Variants in KCNMB1 observed in about 807,000 individuals in gnomAD.
The protein encoded by KCNMB1 is calcium-activated potassium channel subunit beta-1.
Under a neutral mutation model 21.7 loss-of-function variants are expected in KCNMB1, and 22 were observed. The observed-to-expected ratio is 1.01, with a 90% CI of 0.72 to 1.45. KCNMB1 has a LOEUF of 1.45. KCNMB1 is among the 40% of genes most tolerant of loss of function. The pLI is 0.00. For synonymous variants in KCNMB1, 114 were observed against 107.6 expected (o/e 1.06, Z -0.37); for missense variants, 243 against 243.4 (o/e 1.00, Z 0.01).
At chr5:170,383,949 A>T in intron 2 of KCNMB1, 99 bp from the exon 3 acceptor site, 4 of 1,272,492 alleles carry the variant, frequency 3.1e-6, no homozygotes, top group Non-Finnish European at 4.4e-6. Context: ...CTCTAGAGGG[A>T]TCCAGGACTG....
Position 170,378,649 on chromosome 5 carries a change from G to C in KCNMB1, c.*55C>G, listed in dbSNP as rs1205286076. 3.9e-6 allele frequency: 6 copies of C among 1,532,352 alleles called. No individual in the cohort carries two copies. The highest frequency in any genetic ancestry group is 5.3e-6 in the Non-Finnish European group (6 of 1,141,254). The allele number at this position is 1,532,352 out of a possible 1,614,324, so 94.9% of individuals were successfully genotyped here. A position where few individuals can be genotyped will look rare whatever the true frequency, so the allele number is the denominator to read the frequency against. On this transcript the variant is annotated 3_prime_UTR_variant, in exon 4 of 4. Transcript: ENST00000274629. ...GTGCTGCAAGTGGGGAGCAGCCCTG[G>C]GGGCCCAGCCAGTCCCCTGTGCCCT...
intron 3 of KCNMB1, among the ~76,000 whole-genome samples, chr5:170,379,666 A>G (rs1233172945): frequency 6.6e-6 from 1 of 152,188 alleles, no homozygotes; most frequent in Non-Finnish European, 1.5e-5. Flanking sequence ...ACACTTTAAG[A>G]GAAGTTAGAA....
At position 170,378,868 on chromosome 5, in the gene KCNMB1, C is replaced by T. The variant is rs890908934; in HGVS notation, c.412G>A (p.Ala138Thr). 20 of 1,614,118 alleles carry T rather than the reference C, an allele frequency of 1.2e-5. No homozygotes were observed. The highest frequency in any genetic ancestry group is 1.5e-5 in the Non-Finnish European group (18 of 1,180,042). Reference sequence around the variant, plus strand: ...ACGCTGGTTTCGTTCCCCCGAGGTGCGGAGAAGCAGTAGAAGACCTGCTGC... The same window carrying T: ...ACGCTGGTTTCGTTCCCCCGAGGTGTGGAGAAGCAGTAGAAGACCTGCTGC... ...QEQQVFYCFS[A>T]PRGNETSVLF... is the part of the protein sequence containing the mutation. The change falls in exon 4 of 4, where the codon GCA (alanine) becomes ACA (threonine). Residue 138 changes from alanine (A) to threonine (T), a missense_variant. Ala to Thr is a moderately conservative substitution (Grantham distance 58, BLOSUM62 0). Coordinates refer to ENST00000274629, the MANE Select transcript of KCNMB1 (RefSeq NM_004137.4).
intron 2 of KCNMB1, 53 bp downstream of exon 2, chr5:170,385,261 G>A: frequency 6.3e-7 from 1 of 1,599,826 alleles, no homozygotes; most frequent in South Asian, 1.1e-5. Context: ...CCTTACAGAT[G>A]CCAGACCCTT....
intron 3 of KCNMB1, 101 bp downstream of exon 3, chr5:170,383,578 T>A: frequency 7.6e-7 from 1 of 1,307,722 alleles, no homozygotes; most frequent in East Asian, 2.4e-5. Flanking sequence ...CCTGGTCAAG[T>A]GGGTTGATCT....
chr5:170,385,191 G>T, intron 2 of KCNMB1, 123 bp downstream of exon 2: 2 of 1,074,474 alleles, frequency 1.9e-6, no homozygotes, highest in Non-Finnish European at 2.8e-6. Flanking sequence ...AATGAGCATC[G>T]TCTTGACCCT....
chr5:170,381,299 T>C (rs1482832070), intron 3 of KCNMB1, among the ~76,000 whole-genome samples: 4 of 152,214 alleles, frequency 2.6e-5, no homozygotes, highest in African/African-American at 9.7e-5. Context: ...ACCAGCTTTT[T>C]CCCAAGCCCT....
chr5:170,378,605 G>T lies in KCNMB1; in HGVS notation c.*99C>A. The T allele has an allele frequency of 8.1e-7, 1 of 1,235,070 alleles. No individual in the cohort carries two copies. The highest frequency in any genetic ancestry group is 1.1e-6 in the Non-Finnish European group (1 of 882,940). The allele number at this position is 1,235,070 out of a possible 1,614,324, so 76.5% of individuals were successfully genotyped here. ...GTGGATTGGACTGGAAGAGTGGGAG[G>T]GCAGGTGGAGAAGGCATTGTGCTGC... On this transcript the variant is annotated 3_prime_UTR_variant, in exon 4 of 4. Transcript: ENST00000274629.
chr5:170,379,323 G>C (rs2301146), intron 3 of KCNMB1, among the ~76,000 whole-genome samples: 2 of 151,946 alleles, frequency 1.3e-5, no homozygotes, highest in Admixed American at 1.3e-4. Context: ...GGTGAATATC[G>C]GTTTCAAAGG....
chr5:170,385,467 C>T lies in KCNMB1; in HGVS notation c.-20G>A. 5 of 1,613,984 alleles carry T rather than the reference C, an allele frequency of 3.1e-6. No individual in the cohort carries two copies. The highest frequency in any genetic ancestry group is 4.2e-6 in the Non-Finnish European group (5 of 1,179,932). ...CACCATATTCACTGGGGGCAGTGAT[C>T]ATTTCTAGGTCCACAGAAGCAAACA... On this transcript the variant is annotated 5_prime_UTR_variant, in exon 2 of 4. The change abolishes an upstream ATG in the 5' untranslated region. Transcript: ENST00000274629.
chr5:170,376,148 T>TC lies in KCNMB1; in HGVS notation c.*2555_*2556insG. ...GAAGTTTCTGAGTATTCATGACTTATTCTTTTTTTTTTTTTTTTTTTTTTT... is the reference window on the plus strand; with the variant it reads ...GAAGTTTCTGAGTATTCATGACTTATCTCTTTTTTTTTTTTTTTTTTTTTTT... On this transcript the variant is annotated 3_prime_UTR_variant, in exon 4 of 4. Transcript: ENST00000274629. 1 of 144,642 alleles carries TC rather than the reference T, an allele frequency of 6.9e-6. No homozygotes were observed. The highest frequency in any genetic ancestry group is 1.5e-5 in the Non-Finnish European group (1 of 67,200). 9.0% of individuals were successfully genotyped at this position (144,642 alleles called of 1,614,324 possible). A position where few individuals can be genotyped will look rare whatever the true frequency, so the allele number is the denominator to read the frequency against.
intron 1 of KCNMB1, among the ~76,000 whole-genome samples, chr5:170,386,743 G>C (rs541677976): frequency 6.6e-6 from 1 of 151,954 alleles, no homozygotes; most frequent in Non-Finnish European, 1.5e-5. Context: ...AAGAAAGAAG[G>C]CATCATGGTG....
rs202241516 is a variant in KCNMB1 at position 170,374,837 on chromosome 5, C to A, written c.*3867G>T. The A allele has an allele frequency of 1.3e-5, 2 of 152,338 alleles. No individual in the cohort carries two copies. Among genetic ancestry groups the A allele is most frequent in the East Asian group, 3.9e-4 (2 of 5,190 alleles). 9.4% of individuals were successfully genotyped at this position (152,338 alleles called of 1,614,324 possible). The stretch of plus-strand genomic sequence containing the variant: ...TTCTGTGAGCAGCAGACAGTTGTGG[C>A]ATTTGCTAGAAGGCCAGTCTTTATT... On this transcript the variant is annotated 3_prime_UTR_variant, in exon 4 of 4. Coordinates refer to ENST00000274629, the MANE Select transcript of KCNMB1 (RefSeq NM_004137.4).
chr5:170,384,754 T>C (rs552326279), intron 2 of KCNMB1, among the ~76,000 whole-genome samples: 2 of 152,330 alleles, frequency 1.3e-5, no homozygotes, highest in African/African-American at 4.8e-5. Flanking sequence ...GTGGTTGATA[T>C]GTCATGGAGC....
intron 2 of KCNMB1, 43 bp from the exon 3 acceptor site, chr5:170,383,893 G>A (rs1764360406): frequency 6.3e-7 from 1 of 1,598,260 alleles, no homozygotes; most frequent in Non-Finnish European, 8.5e-7. Context: ...TCTCAGAACT[G>A]GGTGACACAC....
At chr5:170,381,297 T>G (rs1040294417) in intron 3 of KCNMB1, among the ~76,000 whole-genome samples, 20 of 152,226 alleles carry the variant, frequency 1.3e-4, no homozygotes, top group African/African-American at 4.8e-4. Context: ...CAACCAGCTT[T>G]TTCCCAAGCC....
intron 1 of KCNMB1, among the ~76,000 whole-genome samples, chr5:170,387,358 C>T (rs544405435): frequency 8.5e-5 from 13 of 152,282 alleles, no homozygotes; most frequent in East Asian, 5.8e-4. Flanking sequence ...TCTGCTCAGG[C>T]GTCTCTTAAC....
At position 170,378,488 on chromosome 5, in the gene KCNMB1, T is replaced by C; in HGVS notation, c.*216A>G. 1 of 587,564 alleles carries C rather than the reference T, an allele frequency of 1.7e-6. No individual in the cohort carries two copies. The highest frequency in any genetic ancestry group is 2.9e-6 in the Non-Finnish European group (1 of 339,018). The allele number at this position is 587,564 out of a possible 1,614,324, so 36.4% of individuals were successfully genotyped here. ...GCTAGAACTGGCTGGCCTTATGGCC[T>C]CCAAGGCATTGGGGAGCCACTGTAC... On this transcript the variant is annotated 3_prime_UTR_variant, in exon 4 of 4. Transcript: ENST00000274629.
chr5:170,384,127 C>T (rs960527888), intron 2 of KCNMB1, among the ~76,000 whole-genome samples: 18 of 152,188 alleles, frequency 1.2e-4, no homozygotes, highest in Admixed American at 1.2e-3. Context: ...TAAAAAGATT[C>T]CCGTGTCCAA....
Sources: gnomAD v4.1 joint callset for allele counts (sites outside exome capture counted in the v4.1 genomes callset) on GRCh38, gnomAD v4.1.1 for gene constraint, MANE v1.5 for transcripts, NCBI Gene and HGNC (gene_info 2026-07-23, HGNC 2026-07-21) for gene names.